The following EPHX2 variants were observed in gnomAD, a reference collection of about 807,000 sequenced individuals.
EPHX2 encodes bifunctional epoxide hydrolase 2.
Under a neutral mutation model 78.7 loss-of-function variants are expected in EPHX2, and 74 were observed. That is an observed-to-expected ratio of 0.94 (90% confidence interval 0.78 to 1.14). The LOEUF is 1.14. Among genes scored for constraint, EPHX2 ranks in the 50% most tolerant of loss-of-function variants. The probability of loss-of-function intolerance (pLI) is 0.00; values close to 1 mark genes in which losing one functional copy is unlikely to be tolerated. For missense variants in EPHX2, 715 were observed against 702.5 expected (o/e 1.02, Z -0.20); for synonymous variants, 251 against 255.2 (o/e 0.98, Z 0.16).
intron 8 of EPHX2, among the ~76,000 whole-genome samples, chr8:27,517,248 T>A (rs1196176510): frequency 6.6e-6 from 1 of 152,228 alleles, no homozygotes; most frequent in African/African-American, 2.4e-5. Flanking sequence ...TAAAATATTG[T>A]TATTGTTAAA....
At chr8:27,517,282 ACTACCCATTG>A (rs200715569) in intron 8 of EPHX2, among the ~76,000 whole-genome samples, 1,739 of 152,274 alleles carry the variant, frequency 0.011, 29 homozygotes, top group African/African-American at 0.04. Context: ...TTTAAATCAT[ACTACCCATTG>A]ATTTGGGTAC....
intron 14 of EPHX2, among the ~76,000 whole-genome samples, chr8:27,539,914 G>T (rs1815341322): frequency 6.6e-6 from 1 of 152,200 alleles, no homozygotes; most frequent in African/African-American, 2.4e-5. Context: ...GACGGGCCCT[G>T]TTCAGGCACC....
At chr8:27,503,210 A>T (rs549035133) in intron 2 of EPHX2, among the ~76,000 whole-genome samples, 1 of 152,302 alleles carries the variant, frequency 6.6e-6, no homozygotes, top group African/African-American at 2.4e-5. Context: ...TGGAGCCTTG[A>T]TCTTGGACTT....
At chr8:27,529,924 T>C (rs1448789619) in intron 12 of EPHX2, among the ~76,000 whole-genome samples, 1 of 151,860 alleles carries the variant, frequency 6.6e-6, no homozygotes, top group East Asian at 1.9e-4. Context: ...AAAGAGCCCT[T>C]TTATTTAAGT....
chr8:27,517,346 C>G (rs567688545), intron 8 of EPHX2, among the ~76,000 whole-genome samples: 2 of 152,242 alleles, frequency 1.3e-5, no homozygotes, highest in South Asian at 4.1e-4. Flanking sequence ...CAATCCCTGT[C>G]AAAATCTCAA....
intron 12 of EPHX2, among the ~76,000 whole-genome samples, chr8:27,530,143 C>T (rs1814986987): frequency 6.6e-6 from 1 of 151,878 alleles, no homozygotes; most frequent in Admixed American, 6.6e-5. Context: ...ACCTCAGCCT[C>T]CCAAACTGCT....
chr8:27,501,150 G>A, intron 2 of EPHX2, 140 bp downstream of exon 2: 1 of 648,498 alleles, frequency 1.5e-6, no homozygotes, highest in Non-Finnish European at 2.6e-6. Context: ...GGTATTAATG[G>A]GAGTATTGCA....
chr8:27,508,382 A>G (rs1346312070), intron 5 of EPHX2, among the ~76,000 whole-genome samples: 3 of 152,182 alleles, frequency 2.0e-5, no homozygotes, highest in Non-Finnish European at 4.4e-5. Context: ...AGCCCATGAC[A>G]AGACTGATTT....
intron 14 of EPHX2, among the ~76,000 whole-genome samples, chr8:27,539,937 G>A (rs996266108): frequency 6.6e-6 from 1 of 152,186 alleles, no homozygotes; most frequent in Admixed American, 6.5e-5. Flanking sequence ...CATTGAGGCT[G>A]TGCCCTGTGA....
intron 4 of EPHX2, among the ~76,000 whole-genome samples, chr8:27,505,939 A>G (rs1412580233): frequency 5.9e-5 from 9 of 152,136 alleles, no homozygotes; most frequent in Non-Finnish European, 1.0e-4. Flanking sequence ...CATGCTTTCT[A>G]TGACTTCCAG....
At chr8:27,529,237 C>G (rs1814949787) in intron 12 of EPHX2, among the ~76,000 whole-genome samples, 1 of 152,232 alleles carries the variant, frequency 6.6e-6, no homozygotes, top group Non-Finnish European at 1.5e-5. Context: ...CTGCTGGAAA[C>G]AAACAAGGCT....
intron 14 of EPHX2, 49 bp from the exon 15 acceptor site, chr8:27,540,505 A>G (rs1462127995): frequency 2.6e-6 from 4 of 1,562,632 alleles, no homozygotes; most frequent in Non-Finnish European, 3.5e-6. Context: ...CTTAAAATGC[A>G]GACACCTGGC....
intron 13 of EPHX2, among the ~76,000 whole-genome samples, chr8:27,537,601 T>G (rs1323200621): frequency 3.3e-5 from 5 of 152,178 alleles, no homozygotes; most frequent in Non-Finnish European, 7.3e-5. Flanking sequence ...GTCTTTGAAG[T>G]TTTAATTTCA....
At chr8:27,522,375 G>A (rs367926544) in intron 10 of EPHX2, 48 bp from the exon 11 acceptor site, 178 of 1,598,696 alleles carry the variant, frequency 1.1e-4, no homozygotes, top group South Asian at 2.1e-4. Context: ...TCAGCACCCC[G>A]TTCCAGAAGC....
intron 1 of EPHX2, among the ~76,000 whole-genome samples, chr8:27,492,179 G>A (rs747291489): frequency 2.0e-5 from 3 of 152,140 alleles, no homozygotes; most frequent in Non-Finnish European, 4.4e-5. Flanking sequence ...AACCCCAGTA[G>A]TCCATGTCCG....
At chr8:27,530,888 C>T (rs977629383) in intron 12 of EPHX2, among the ~76,000 whole-genome samples, 1 of 151,868 alleles carries the variant, frequency 6.6e-6, no homozygotes, top group African/African-American at 2.4e-5. Flanking sequence ...CTCAGCCTCC[C>T]AAGTAGCTGG....
intron 10 of EPHX2, among the ~76,000 whole-genome samples, chr8:27,521,400 G>T (rs28538546): frequency 6.6e-6 from 1 of 152,056 alleles, no homozygotes; most frequent in African/African-American, 2.4e-5. Flanking sequence ...GTATAACAGC[G>T]TCCCCTTCCC....
rs1297126282 is a variant in EPHX2 at position 27,495,954 on chromosome 8, C to T, written c.101+4645C>T. On this transcript the variant is annotated intron_variant, in intron 1 of 18. Transcript: ENST00000521400. The stretch of plus-strand genomic sequence containing the variant: ...CCCATTCTACTAGATTAGTGTTTGC[C>T]CTCTGGGTCTCCTTGATTAGAGCAT... Among the ~76,000 whole-genome samples the T allele has an allele frequency of 3.3e-5, 5 of 152,182 alleles. No homozygotes were observed. The East Asian group carries it at 9.6e-4, about 29-fold the overall frequency.
intron 16 of EPHX2, among the ~76,000 whole-genome samples, chr8:27,542,386 G>T (rs938644880): frequency 1.3e-5 from 2 of 152,204 alleles, no homozygotes; most frequent in Non-Finnish European, 2.9e-5. Flanking sequence ...GGCTTCTTCT[G>T]CAATATGCAA....
Sources: allele counts gnomAD v4.1 joint callset (sites outside exome capture counted in the v4.1 genomes callset), GRCh38; gene constraint gnomAD v4.1.1; transcripts MANE v1.5; gene names NCBI Gene and HGNC (gene_info 2026-07-23, HGNC 2026-07-21).